ZNF473: variants seen among roughly 807,000 people sequenced by gnomAD.
The protein encoded by ZNF473 is zinc finger protein 100 homolog.
ZNF473 carries 4 observed loss-of-function variants against 11.1 expected under a neutral mutation model. That is an observed-to-expected ratio of 0.36 (90% CI 0.18 to 0.82). The LOEUF is 0.82. ZNF473 is among the 40% of genes least tolerant of loss of function. ZNF473 has a pLI of 0.49. For missense variants in ZNF473, 854 were observed against 1,084.0 expected (o/e 0.79, Z 2.98); for synonymous variants, 404 against 390.4 (o/e 1.03, Z -0.41).
At chr19:50,036,922 G>C (rs1320493939) in intron 2 of ZNF473, among the ~76,000 whole-genome samples, 1 of 152,162 alleles carries the variant, frequency 6.6e-6, no homozygotes, top group Admixed American at 6.5e-5. Context: ...ACAGAAGATG[G>C]ACTAATACAC....
chr19:50,033,748 C>T (rs1386109819), intron 2 of ZNF473, among the ~76,000 whole-genome samples: 2 of 152,300 alleles, frequency 1.3e-5, no homozygotes, highest in East Asian at 1.9e-4. Context: ...TTGCCTCTCC[C>T]AGCTTCTGGA....
At chr19:50,033,850 C>T (rs2077331307) in intron 2 of ZNF473, among the ~76,000 whole-genome samples, 1 of 152,024 alleles carries the variant, frequency 6.6e-6, no homozygotes, top group African/African-American at 2.4e-5. Flanking sequence ...TCCTTGTCTC[C>T]CTCTTATTAG....
At chr19:50,040,528 C>T (rs1036548809) in intron 3 of ZNF473, 1 of 152,450 alleles carries the variant, frequency 6.6e-6, no homozygotes, top group South Asian at 2.1e-4. Context: ...CCAGCCTTGC[C>T]AGCAGGCTTT....
Position 50,030,899 on chromosome 19 carries a change from C to T in ZNF473, c.-184C>T. On this transcript the variant is annotated 5_prime_UTR_variant, in exon 2 of 5. Coordinates refer to ENST00000270617, the MANE Select transcript of ZNF473 (RefSeq NM_015428.4). ...TGTTGTTGTCCCCTGCAGGGAGACT[C>T]ACATTGGGACTTGTCCTCCTCCTCC... The T allele has an allele frequency of 2.6e-6, 2 of 769,838 alleles. No individual in the cohort carries two copies. The highest frequency in any genetic ancestry group is 4.4e-6 in the Non-Finnish European group (2 of 458,790). The allele number at this position is 769,838 out of a possible 1,614,324, so 47.7% of individuals were successfully genotyped here.
chr19:50,037,060 G>A (rs543071865), intron 2 of ZNF473, among the ~76,000 whole-genome samples: 6 of 152,278 alleles, frequency 3.9e-5, no homozygotes, highest in South Asian at 4.2e-4. Context: ...AACCATTGCC[G>A]GCATGCAGAA....
intron 3 of ZNF473, among the ~76,000 whole-genome samples, chr19:50,040,108 C>G (rs577194342): frequency 7.9e-5 from 12 of 152,250 alleles, no homozygotes; most frequent in African/African-American, 2.6e-4. Context: ...CAGTGATTGG[C>G]TAGGATTCCC....
At position 50,039,800 on chromosome 19, in the gene ZNF473, C is replaced by T. The variant is rs1978672783; in HGVS notation, c.136+513C>T. ...ACTCCATACCTCCTCTCCTACTCAT[C>T]TTGTCTGTCGCTCCCTCACGTTCTA... is the stretch of plus-strand genomic sequence containing the variant. On this transcript the variant is annotated intron_variant, in intron 3 of 4. Transcript: ENST00000270617. This position sits in a 1 kb window ranked among gnomAD's most constrained non-coding sequence, Gnocchi z 4.8. Among the ~76,000 whole-genome samples, 1 of 152,240 alleles carries T rather than the reference C, an allele frequency of 6.6e-6. No homozygotes were observed. Among genetic ancestry groups the T allele is most frequent in the Admixed American group, 6.5e-5 (1 of 15,286 alleles).
At chr19:50,037,945 G>T (rs1451436766) in intron 2 of ZNF473, among the ~76,000 whole-genome samples, 1 of 150,860 alleles carries the variant, frequency 6.6e-6, no homozygotes. Context: ...AATAAAAGGA[G>T]AGTCAAGCAT....
intron 3 of ZNF473, among the ~76,000 whole-genome samples, chr19:50,040,791 A>C (rs1978723442): frequency 6.6e-6 from 1 of 152,274 alleles, no homozygotes; most frequent in Non-Finnish European, 1.5e-5. Context: ...GGTGGAAACT[A>C]TCATTTGATA....
chr19:50,045,337 C>A lies in ZNF473; in HGVS notation c.894C>A (p.Asp298Glu). 6.2e-7 allele frequency: 1 copy of A among 1,614,130 alleles called. No individual in the cohort carries two copies. The highest frequency in any genetic ancestry group is 1.1e-5 in the South Asian group (1 of 91,076). Reference sequence around the variant, plus strand: ...AACCATGTAAGAGTCAAGATAGTGACCACCCACCCAGTCATGACACACAGC... The same window carrying A: ...AACCATGTAAGAGTCAAGATAGTGAACACCCACCCAGTCATGACACACAGC... ...GEKPCKSQDS[D>E]HPPSHDTQPG... is the part of the protein sequence containing the mutation. Residue 298 changes from aspartate to glutamate, a missense_variant, in exon 5 of 5, where the codon GAC (aspartate) becomes GAA (glutamate). This residue lies in a region of ZNF473 where 668 missense variants were observed against 790.2 expected (regional missense o/e 0.85). Coordinates refer to ENST00000270617, the MANE Select transcript of ZNF473 (RefSeq NM_015428.4).
At chr19:50,029,681 C>A (rs907383388) in intron 1 of ZNF473, among the ~76,000 whole-genome samples, 3 of 152,080 alleles carry the variant, frequency 2.0e-5, no homozygotes, top group African/African-American at 7.2e-5. Flanking sequence ...TACAGTTTTG[C>A]GTATTATGGG....
intron 1 of ZNF473, among the ~76,000 whole-genome samples, chr19:50,030,566 A>G (rs1018550918): frequency 3.3e-5 from 5 of 152,224 alleles, no homozygotes; most frequent in African/African-American, 1.2e-4. Context: ...TCCAGAGATG[A>G]TAATCAGAAA....
intron 3 of ZNF473, among the ~76,000 whole-genome samples, chr19:50,040,309 C>T (rs1156499574): frequency 1.3e-5 from 2 of 152,186 alleles, no homozygotes; most frequent in Non-Finnish European, 2.9e-5. Context: ...TGTGATATCG[C>T]GTGTGAAATG....
chr19:50,032,390 C>A (rs549390116), intron 2 of ZNF473, among the ~76,000 whole-genome samples: 1 of 152,054 alleles, frequency 6.6e-6, no homozygotes, highest in African/African-American at 2.4e-5. Context: ...CTGTCATGAT[C>A]TGCAGGTGTG....
rs1182527435 is a variant in ZNF473, at chr19:50,043,447, AAATATAT to A, written c.227-1221_227-1215del. 3.5e-3 allele frequency: 361 copies of A among 102,918 alleles called. 1 individual carries two copies. The highest frequency in any genetic ancestry group is 0.013 in the African/African-American group (340 of 26,454). 6.4% of individuals were successfully genotyped at this position (102,918 alleles called of 1,614,324 possible). On this transcript the variant is annotated intron_variant, in intron 4 of 4. Coordinates refer to ENST00000270617, the MANE Select transcript of ZNF473 (RefSeq NM_015428.4). ...ACTCAGTCTCCAAAAAAAAAAAAAA[AAATATAT>A]ATATATATATATATATATATAGTCA...
At chr19:50,044,504 C>G in intron 4 of ZNF473, 166 bp from the exon 5 acceptor site, 1 of 593,836 alleles carries the variant, frequency 1.7e-6, no homozygotes. Flanking sequence ...CCTTCTTGAC[C>G]CTCCTGGGAA....
At chr19:50,041,174 C>T (rs916051484) in intron 3 of ZNF473, 9 of 152,420 alleles carry the variant, frequency 5.9e-5, no homozygotes, top group African/African-American at 1.7e-4. Context: ...TTGCCAGCTT[C>T]TGGAGGTCAC....
chr19:50,028,362 CTGG>C (rs1428901634), intron 1 of ZNF473, among the ~76,000 whole-genome samples: 1 of 151,434 alleles, frequency 6.6e-6, no homozygotes, highest in African/African-American at 2.4e-5. Flanking sequence ...GTCATTCAGG[CTGG>C]AGTACAGTGA....
In ZNF473 at chr19:50,045,419, G is replaced by A. The variant is rs768227035; in HGVS notation, c.976G>A (p.Gly326Ser). The A allele has an allele frequency of 2.1e-5, 34 of 1,613,984 alleles. No homozygotes were observed. The highest frequency in any genetic ancestry group is 1.7e-4 in the Admixed American group (10 of 59,994). Reference protein sequence around the residue: ...DSKSYNCNECGKAFTRIFHLT... With the variant: ...DSKSYNCNECSKAFTRIFHLT... ...TAAGTCCTACAACTGTAACGAATGC[G>A]GCAAGGCTTTTACCCGGATCTTCCA... The change falls in exon 5 of 5, where the codon GGC becomes AGC. Residue 326 changes from glycine to serine, a missense_variant. By Grantham distance (56) the Gly-to-Ser change is moderately conservative. Coordinates refer to ENST00000270617, the MANE Select transcript of ZNF473 (RefSeq NM_015428.4).
Sources: gnomAD v4.1 joint callset for allele counts (sites outside exome capture counted in the v4.1 genomes callset) on GRCh38, gnomAD v4.1.1 for gene constraint, gnomAD v4.1.1 regional missense constraint, Gnocchi (gnomAD v3.1) non-coding constraint, MANE v1.5 for transcripts, NCBI Gene and HGNC (gene_info 2026-07-23, HGNC 2026-07-21) for gene names.